Variants in SCAPER observed in about 807,000 individuals in gnomAD.
The protein encoded by SCAPER is S phase cyclin A-associated protein in the endoplasmic reticulum.
SCAPER carries 98 observed loss-of-function variants against 182.2 expected under a neutral mutation model. The ratio of observed to expected loss-of-function variants is 0.54; its 90% confidence interval spans 0.46 to 0.64. The LOEUF is 0.64. Ranked by LOEUF, SCAPER falls within the 30% of genes least tolerant of loss-of-function variation. The pLI, the probability that SCAPER is intolerant of heterozygous loss-of-function variation, is 0.00. For missense variants in SCAPER, 1,432 were observed against 1,690.0 expected (o/e 0.85, Z 2.68); for synonymous variants, 605 against 564.6 (o/e 1.07, Z -1.01).
rs80168141 is a variant in SCAPER at position 76,791,666 on chromosome 15, T to G, written c.772+3614A>C. Among the ~76,000 whole-genome samples the G allele has an allele frequency of 6.0e-3, 909 of 151,758 alleles. 6 individuals carry two copies. Among genetic ancestry groups the G allele is most frequent in the Middle Eastern group, 0.01 (3 of 294 alleles). ...CTGACAACTGCTAAAAAAAAAAAAC[T>G]TTGCATATACAGGGCAAGACTCCAA... On this transcript the variant is annotated intron_variant, in intron 8 of 31. Coordinates refer to ENST00000563290, the MANE Select transcript of SCAPER (RefSeq NM_020843.4).
chr15:76,835,933 C>CAAA (rs35242954), intron 5 of SCAPER, among the ~76,000 whole-genome samples: 47 of 93,992 alleles, frequency 5.0e-4, no homozygotes, highest in Middle Eastern at 7.2e-3. Flanking sequence ...ACATTAGCCA[C>CAAA]AAAAAAAAAA....
intron 22 of SCAPER, among the ~76,000 whole-genome samples, chr15:76,608,089 C>T (rs1302521904): frequency 9.2e-5 from 14 of 152,160 alleles, no homozygotes; most frequent in Admixed American, 7.9e-4. Flanking sequence ...GGAGGAGAGG[C>T]GCTCTGATTT....
At chr15:76,572,955 C>T (rs917252328) in intron 23 of SCAPER, among the ~76,000 whole-genome samples, 5 of 109,804 alleles carry the variant, frequency 4.6e-5, no homozygotes, top group African/African-American at 1.1e-4. Context: ...AGAGAAATGT[C>T]CACTGTCAGA....
In SCAPER at chr15:76,774,981, T is replaced by C. The variant is rs2063663997; in HGVS notation, c.909A>G (p.Val303=). ...RSKDDSDKEN[V]CLLPDESIQK... Reference sequence around the variant, plus strand: ...GTATGCTTTCATCAGGTAAAAGACATACATTTTCTTTATCACTGTCATCCT... The same window carrying C: ...GTATGCTTTCATCAGGTAAAAGACACACATTTTCTTTATCACTGTCATCCT... Residue 303 remains valine (V), a synonymous_variant, in exon 9 of 32, where the codon GTA becomes GTG. Transcript: ENST00000563290. 3 of 1,613,848 alleles carry C rather than the reference T, an allele frequency of 1.9e-6. No individual in the cohort carries two copies. Among genetic ancestry groups the C allele is most frequent in the African/African-American group, 1.3e-5 (1 of 75,040 alleles).
chr15:76,794,570 C>T (rs2065201396), intron 8 of SCAPER, among the ~76,000 whole-genome samples: 1 of 152,200 alleles, frequency 6.6e-6, no homozygotes, highest in Admixed American at 6.5e-5. Context: ...TGCAATAAAA[C>T]ATTTCTTTCT....
At chr15:76,367,389 C>A (rs1174580554) in intron 29 of SCAPER, among the ~76,000 whole-genome samples, 1 of 152,170 alleles carries the variant, frequency 6.6e-6, no homozygotes, top group Non-Finnish European at 1.5e-5. Context: ...TTACAAACAC[C>A]CCCTCCATGG....
At chr15:76,497,741 C>T (rs1003752583) in intron 24 of SCAPER, among the ~76,000 whole-genome samples, 8 of 151,778 alleles carry the variant, frequency 5.3e-5, no homozygotes, top group Non-Finnish European at 1.2e-4. Flanking sequence ...GCCTGTAATC[C>T]CAGCACTTTG....
At chr15:76,587,613 T>C (rs1375324647) in intron 22 of SCAPER, among the ~76,000 whole-genome samples, 1 of 152,208 alleles carries the variant, frequency 6.6e-6, no homozygotes, top group African/African-American at 2.4e-5. Context: ...TTGGAGTTGA[T>C]ATCCAATTTT....
Position 76,862,488 on chromosome 15 carries a change from C to T in SCAPER, c.52G>A (p.Val18Ile). ...CTTGCTGTACGACCCTCCTCTGCAA[C>T]TATTCTCCTTACTTTGTCATGACTA... The part of the protein sequence containing the change: ...SNSHDKVRRI[V>I]AEEGRTARNL... Residue 18 changes from valine to isoleucine, a missense_variant, in exon 3 of 32, where the codon GTT (valine) becomes ATT (isoleucine). Around this residue, in one of 5 missense-constraint regions of SCAPER, gnomAD observed 480 missense variants for 510.2 expected, o/e 0.94. Coordinates refer to ENST00000563290, the MANE Select transcript of SCAPER (RefSeq NM_020843.4). The T allele has an allele frequency of 3.1e-6, 5 of 1,613,376 alleles. No individual in the cohort carries two copies. Among genetic ancestry groups the T allele is most frequent in the Non-Finnish European group, 4.2e-6 (5 of 1,179,622 alleles).
intron 31 of SCAPER, 190 bp from the exon 32 acceptor site, chr15:76,348,926 G>C: frequency 2.3e-6 from 1 of 434,636 alleles, no homozygotes. Context: ...TAAAATATAT[G>C]ACATATATTT....
intron 15 of SCAPER, among the ~76,000 whole-genome samples, chr15:76,745,180 CT>C (rs2151137334): frequency 6.6e-6 from 1 of 152,298 alleles, no homozygotes; most frequent in East Asian, 1.9e-4. Flanking sequence ...ACCTAGTGAC[CT>C]GTAATCCCAG....
chr15:76,638,802 T>G (rs1252227289), intron 21 of SCAPER, among the ~76,000 whole-genome samples: 1 of 152,218 alleles, frequency 6.6e-6, no homozygotes, highest in East Asian at 1.9e-4. Context: ...GCTGTTTCCT[T>G]TGAAAATATT....
In SCAPER at chr15:76,354,920, C is replaced by G. The variant is rs1403018326; in HGVS notation, c.3856-780G>C. On this transcript the variant is annotated intron_variant, in intron 29 of 31. Transcript: ENST00000563290. This position sits in a 1 kb window ranked among gnomAD's most constrained non-coding sequence, Gnocchi z 4.4. The stretch of plus-strand genomic sequence containing the variant: ...TCAAAATTAGATCTGTTTCAAGTAA[C>G]CTTGATTAGACAGTTCTAATATGAA... Among the ~76,000 whole-genome samples, 1 of 152,176 alleles carries G rather than the reference C, an allele frequency of 6.6e-6. No homozygotes were observed. Among genetic ancestry groups the G allele is most frequent in the Non-Finnish European group, 1.5e-5 (1 of 68,034 alleles).
chr15:76,885,882 A>G (rs2073811941), intron 1 of SCAPER, among the ~76,000 whole-genome samples: 1 of 152,260 alleles, frequency 6.6e-6, no homozygotes, highest in African/African-American at 2.4e-5. Flanking sequence ...AAGTTGAAAC[A>G]AAAGAAGACT....
intron 20 of SCAPER, among the ~76,000 whole-genome samples, chr15:76,701,124 T>C (rs1484548752): frequency 6.6e-6 from 1 of 150,712 alleles, no homozygotes; most frequent in African/African-American, 2.4e-5. Flanking sequence ...AATATACACA[T>C]GCACCTACAT....
intron 21 of SCAPER, among the ~76,000 whole-genome samples, chr15:76,625,583 C>G (rs1337909932): frequency 6.6e-6 from 1 of 152,128 alleles, no homozygotes; most frequent in African/African-American, 2.4e-5. Context: ...TGTTGGACCC[C>G]TGGGCAGAAT....
chr15:76,615,460 T>C (rs1177602690), intron 22 of SCAPER, among the ~76,000 whole-genome samples: 1 of 143,346 alleles, frequency 7.0e-6, no homozygotes, highest in Non-Finnish European at 1.5e-5. Flanking sequence ...CAAATGTGTC[T>C]GTATGTGTAT....
In SCAPER at chr15:76,586,165, T is replaced by C. The variant is rs758719782; in HGVS notation, c.2712-11881A>G. Among the ~76,000 whole-genome samples the C allele has an allele frequency of 3.9e-5, 6 of 152,292 alleles. No homozygotes were observed. The East Asian group carries it at 5.8e-4, about 15-fold the overall frequency. ...CTCCCAGAATTCCTAACTTTTATCA[T>C]AGTTAAGTTTGCATGGGGTGGTGGG... On this transcript the variant is annotated intron_variant, in intron 22 of 31. Coordinates refer to ENST00000563290, the MANE Select transcript of SCAPER (RefSeq NM_020843.4).
At chr15:76,848,896 G>A (rs991205406) in intron 4 of SCAPER, among the ~76,000 whole-genome samples, 1 of 151,934 alleles carries the variant, frequency 6.6e-6, no homozygotes, top group African/African-American at 2.4e-5. Flanking sequence ...CATGAATGCA[G>A]AACAGTCACC....
Sources: allele counts gnomAD v4.1 joint callset (sites outside exome capture counted in the v4.1 genomes callset), GRCh38; gene constraint gnomAD v4.1.1; regional missense constraint gnomAD v4.1.1; non-coding constraint Gnocchi (gnomAD v3.1); transcripts MANE v1.5; gene names NCBI Gene and HGNC (gene_info 2026-07-23, HGNC 2026-07-21).